The following KYNU variants were observed in gnomAD, a reference collection of about 807,000 sequenced individuals.
KYNU encodes L-kynurenine hydrolase.
Under a neutral mutation model 59.2 loss-of-function variants are expected in KYNU, and 54 were observed. The ratio of observed to expected loss-of-function variants is 0.91; its 90% CI spans 0.73 to 1.14. The LOEUF (loss-of-function observed/expected upper bound fraction) is 1.14, where lower values mean the gene tolerates loss of function less well. KYNU is among the 50% of genes most tolerant of loss of function. KYNU has a pLI of 0.00. For synonymous variants in KYNU, 177 were observed against 192.0 expected (o/e 0.92, Z 0.65); for missense variants, 567 against 554.4 (o/e 1.02, Z -0.23).
intron 4 of KYNU, among the ~76,000 whole-genome samples, chr2:142,949,225 G>A (rs1683904049): frequency 1.3e-5 from 2 of 152,212 alleles, no homozygotes; most frequent in South Asian, 4.1e-4. Flanking sequence ...TTGAGTATCT[G>A]TGGCTTTTCT....
chr2:142,940,687 T>A (rs1683566531), intron 4 of KYNU, among the ~76,000 whole-genome samples: 1 of 152,208 alleles, frequency 6.6e-6, no homozygotes, highest in South Asian at 2.1e-4. Context: ...CAACCATAGC[T>A]GTAGGGGTTT....
rs1397196048 is a variant in KYNU at position 142,927,679 on chromosome 2, T to C, written c.311T>C (p.Val104Ala). The change falls in exon 4 of 14, where the codon GTG becomes GCG. Residue 104 changes from valine (V) to alanine (A), a missense_variant. Physicochemically the swap from Val to Ala is moderately conservative, Grantham distance 64. Coordinates refer to ENST00000264170, the MANE Select transcript of KYNU (RefSeq NM_003937.3). ...WAKIAAYGHE[V>A]GKRPWITGDE... Reference sequence around the variant, plus strand: ...TTCAGAGCAGCCTATGGTCATGAAGTGGGGAAGCGTCCTTGGATTACAGGA... The same window carrying C: ...TTCAGAGCAGCCTATGGTCATGAAGCGGGGAAGCGTCCTTGGATTACAGGA... 2 of 1,613,302 alleles carry C rather than the reference T, an allele frequency of 1.2e-6. No individual in the cohort carries two copies. The highest frequency in any genetic ancestry group is 3.3e-5 in the Admixed American group (2 of 60,008).
At chr2:142,986,444 G>A (rs1685201216) in intron 10 of KYNU, among the ~76,000 whole-genome samples, 2 of 151,962 alleles carry the variant, frequency 1.3e-5, no homozygotes, top group South Asian at 4.1e-4. Flanking sequence ...TACCTTTAAA[G>A]CTGTAAATGT....
chr2:143,005,198 C>T (rs1008124901), intron 10 of KYNU, among the ~76,000 whole-genome samples: 1 of 152,156 alleles, frequency 6.6e-6, no homozygotes, highest in Admixed American at 6.5e-5. Flanking sequence ...TATGATGAGA[C>T]TGCAGTCACA....
intron 8 of KYNU, among the ~76,000 whole-genome samples, chr2:142,977,637 AACTAT>A (rs1201557875): frequency 6.6e-6 from 1 of 152,062 alleles, no homozygotes; most frequent in Non-Finnish European, 1.5e-5. Flanking sequence ...ATTCTCATTG[AACTAT>A]ACTATACTGA....
intron 10 of KYNU, among the ~76,000 whole-genome samples, chr2:143,018,869 A>T (rs558409437): frequency 6.6e-6 from 1 of 151,926 alleles, no homozygotes; most frequent in Admixed American, 6.6e-5. Flanking sequence ...ATTCCTAGGT[A>T]TTTTATTTAT....
At chr2:142,903,322 A>G (rs532392691) in intron 2 of KYNU, among the ~76,000 whole-genome samples, 2 of 152,030 alleles carry the variant, frequency 1.3e-5, no homozygotes, top group East Asian at 3.9e-4. Context: ...AGACTTTAGG[A>G]TTAATTCCTT....
intron 2 of KYNU, among the ~76,000 whole-genome samples, chr2:142,896,084 A>C (rs1450185117): frequency 6.6e-6 from 1 of 152,194 alleles, no homozygotes; most frequent in African/African-American, 2.4e-5. Context: ...AGGCCATACA[A>C]AAACAGGTCA....
At chr2:143,006,920 C>T (rs1181888108) in intron 10 of KYNU, among the ~76,000 whole-genome samples, 1 of 151,952 alleles carries the variant, frequency 6.6e-6, no homozygotes, top group Non-Finnish European at 1.5e-5. Flanking sequence ...TCACCATCAT[C>T]AAAGACCAAA....
intron 11 of KYNU, among the ~76,000 whole-genome samples, chr2:143,031,167 T>C (rs1199926993): frequency 1.3e-5 from 2 of 152,238 alleles, no homozygotes; most frequent in African/African-American, 4.8e-5. Flanking sequence ...ACCTGTATTT[T>C]ACCTTGGCTG....
intron 4 of KYNU, among the ~76,000 whole-genome samples, chr2:142,935,442 G>A (rs761538682): frequency 1.8e-4 from 28 of 152,188 alleles, no homozygotes; most frequent in African/African-American, 2.7e-4. Context: ...TGCGCCAGTA[G>A]GCTGGGCAGG....
chr2:142,959,113 A>G (rs1684258438), intron 7 of KYNU, among the ~76,000 whole-genome samples: 1 of 152,124 alleles, frequency 6.6e-6, no homozygotes, highest in Non-Finnish European at 1.5e-5. Context: ...TTTCACACCC[A>G]CACACATACA....
intron 12 of KYNU, among the ~76,000 whole-genome samples, chr2:143,035,934 G>A (rs530741103): frequency 1.0e-3 from 159 of 152,040 alleles, no homozygotes; most frequent in African/African-American, 3.6e-3. Context: ...CACCATGCCC[G>A]ACTAATTTTT....
intron 4 of KYNU, among the ~76,000 whole-genome samples, 172 bp from the exon 5 acceptor site, chr2:142,954,638 A>G (rs1684103914): frequency 6.6e-6 from 1 of 152,208 alleles, no homozygotes; most frequent in South Asian, 2.1e-4. Flanking sequence ...TCCAGATATC[A>G]TTTGATAAAA....
rs1687280167 is a variant in KYNU at position 143,052,288 on chromosome 2, T to G, written c.*10116T>G. ...AAATACAGCATAAAAGTTCAGAAAA[T>G]TTTCAGCCTGACAATGCAGTAGAAA... On this transcript the variant is annotated 3_prime_UTR_variant, in exon 14 of 14. Transcript: ENST00000264170. 6.6e-6 allele frequency: 1 copy of G among 152,080 alleles called. No homozygotes were observed. The highest frequency in any genetic ancestry group is 2.4e-5 in the African/African-American group (1 of 41,394). The allele number at this position is 152,080 out of a possible 1,614,324, so 9.4% of individuals were successfully genotyped here.
Position 143,040,465 on chromosome 2 carries a change from A to T in KYNU, c.1079A>T (p.Lys360Ile). The T allele has an allele frequency of 6.2e-7, 1 of 1,613,230 alleles. No homozygotes were observed. Among genetic ancestry groups the T allele is most frequent in the African/African-American group, 1.3e-5 (1 of 74,990 alleles). The change falls in exon 13 of 14, where the codon AAA becomes ATA. Residue 360 changes from lysine to isoleucine, a missense_variant. Coordinates refer to ENST00000264170, the MANE Select transcript of KYNU (RefSeq NM_003937.3). ...GCGACAATGAAGGCATTGCGGAAAA[A>T]ATCTGTTTTGCTAACTGGCTATCTG... ...KQATMKALRKKSVLLTGYLEY... is the reference protein window; with the variant it reads ...KQATMKALRKISVLLTGYLEY...
At position 143,045,238 on chromosome 2, in the gene KYNU, T is replaced by C. The variant is rs906873768; in HGVS notation, c.*3066T>C. ...CATGCTGTTTTGTTTACTATAGCCT[T>C]GTAGTATAGTTTGAAGTCAGGTAGT... On this transcript the variant is annotated 3_prime_UTR_variant, in exon 14 of 14. Coordinates refer to ENST00000264170, the MANE Select transcript of KYNU (RefSeq NM_003937.3). 1 of 152,202 alleles carries C rather than the reference T, an allele frequency of 6.6e-6. No individual in the cohort carries two copies. The highest frequency in any genetic ancestry group is 2.4e-5 in the African/African-American group (1 of 41,454). 9.4% of individuals were successfully genotyped at this position (152,202 alleles called of 1,614,324 possible). A position where few individuals can be genotyped will look rare whatever the true frequency, so the allele number is the denominator to read the frequency against.
intron 4 of KYNU, among the ~76,000 whole-genome samples, chr2:142,929,807 G>T (rs1558927267): frequency 6.6e-6 from 1 of 152,190 alleles, no homozygotes; most frequent in Non-Finnish European, 1.5e-5. Context: ...AAGGGGTGAT[G>T]AAAACCAAGG....
chr2:142,964,284 T>C (rs1287944744), intron 8 of KYNU, among the ~76,000 whole-genome samples: 1 of 152,144 alleles, frequency 6.6e-6, no homozygotes, highest in East Asian at 1.9e-4. Context: ...GGGTATACAT[T>C]CATATACATT....
Sources: gnomAD v4.1 joint callset for allele counts (sites outside exome capture counted in the v4.1 genomes callset) on GRCh38, gnomAD v4.1.1 for gene constraint, MANE v1.5 for transcripts, NCBI Gene and HGNC (gene_info 2026-07-23, HGNC 2026-07-21) for gene names.